Variants in EZR observed in about 807,000 individuals in gnomAD.
EZR encodes cytovillin 2.
Under a neutral mutation model 74.8 loss-of-function variants are expected in EZR, and 40 were observed. The observed-to-expected ratio is 0.53, with a 90% confidence interval of 0.42 to 0.70. The LOEUF (loss-of-function observed/expected upper bound fraction) is 0.70, where lower values mean the gene tolerates loss of function less well. Among genes scored for constraint, EZR ranks in the 30% least tolerant of loss-of-function variants. EZR has a pLI of 0.00. For missense variants in EZR, 678 were observed against 755.8 expected (o/e 0.90, Z 1.21); for synonymous variants, 341 against 283.3 (o/e 1.20, Z -2.05).
At chr6:158,808,898 C>G (rs1777396351) in intron 2 of EZR, among the ~76,000 whole-genome samples, 1 of 152,196 alleles carries the variant, frequency 6.6e-6, no homozygotes, top group African/African-American at 2.4e-5. Context: ...GAGACTGAGG[C>G]AGGAGGATGG....
chr6:158,810,973 T>C (rs1777440270), intron 2 of EZR, among the ~76,000 whole-genome samples: 1 of 152,244 alleles, frequency 6.6e-6, no homozygotes, highest in Non-Finnish European at 1.5e-5. Context: ...AGCAGTAAAT[T>C]AGCTATGAAA....
At chr6:158,770,249 C>T (rs1437733567) in intron 10 of EZR, among the ~76,000 whole-genome samples, 1 of 152,250 alleles carries the variant, frequency 6.6e-6, no homozygotes, top group Non-Finnish European at 1.5e-5. Context: ...GTGGTCCACA[C>T]TCCACTCAGA....
Position 158,803,023 on chromosome 6 carries a change from AAGTAAC to A in EZR, c.13-13658_13-13653del, listed in dbSNP as rs577094197. 8.6e-5 allele frequency among the ~76,000 whole-genome samples: 13 copies of A among 151,656 alleles called. No individual in the cohort carries two copies. The East Asian group carries it at 2.5e-3, about 29-fold the overall frequency. On this transcript the variant is annotated intron_variant, in intron 2 of 13. Coordinates refer to ENST00000367075, the MANE Select transcript of EZR (RefSeq NM_001111077.2). ...CTTTTTGAGTAATTTAAATGATGAA[AAGTAAC>A]ACTACATGCCACTCACACCTCCTTT... is the stretch of plus-strand genomic sequence containing the variant.
At chr6:158,779,269 C>T (rs1027092242) in intron 7 of EZR, among the ~76,000 whole-genome samples, 4 of 152,172 alleles carry the variant, frequency 2.6e-5, no homozygotes, top group Non-Finnish European at 5.9e-5. Flanking sequence ...ATGGCCAGTA[C>T]TCTTCAAAAA....
Position 158,769,358 on chromosome 6 carries a change from TGCGCCTCC to T in EZR, c.1304_1311del (p.Arg435GlnfsTer4). 1 of 1,609,870 alleles carries T rather than the reference TGCGCCTCC, an allele frequency of 6.2e-7. No homozygotes were observed. The highest frequency in any genetic ancestry group is 8.5e-7 in the Non-Finnish European group (1 of 1,180,018). ...TGCCACTCTTCAACTTCATCCTCCTTGCGCCTCCGCGCCTCTTCCAGGAGGGCAATCTT... is the reference window on the plus strand; with the variant it reads ...TGCCACTCTTCAACTTCATCCTCCTTGCGCCTCTTCCAGGAGGGCAATCTT... On this transcript the variant is annotated frameshift_variant, in exon 12 of 14. Coordinates refer to ENST00000367075, the MANE Select transcript of EZR (RefSeq NM_001111077.2). LOFTEE classifies it high-confidence loss of function.
In EZR at chr6:158,771,294, C is replaced by T. The variant is rs1791100939; in HGVS notation, c.909G>A (p.Gln303=). Reference sequence around the variant, plus strand: ...CCTCCCGGGCCTGGGCCTTCATCTGCTGCACCTCGATGGTGTCAGGCTTCC... The same window carrying T: ...CCTCCCGGGCCTGGGCCTTCATCTGTTGCACCTCGATGGTGTCAGGCTTCC... ...RRRKPDTIEV[Q]QMKAQAREEK... Residue 303 remains glutamine (Q), a synonymous_variant, in exon 9 of 14, where the codon CAG becomes CAA. Transcript: ENST00000367075. 1 of 1,614,054 alleles carries T rather than the reference C, an allele frequency of 6.2e-7. No individual in the cohort carries two copies.
chr6:158,805,209 T>C (rs1437689308), intron 2 of EZR, among the ~76,000 whole-genome samples: 1 of 151,726 alleles, frequency 6.6e-6, no homozygotes, highest in African/African-American at 2.4e-5. Context: ...CATGGTGGCG[T>C]GTGCCTGCAA....
intron 1 of EZR, among the ~76,000 whole-genome samples, chr6:158,818,508 GGAGA>G (rs1468164500): frequency 2.6e-5 from 4 of 151,208 alleles, no homozygotes; most frequent in Middle Eastern, 3.2e-3. Context: ...CGCAGGCCCG[GGAGA>G]GAGAGGGCAG....
intron 4 of EZR, 35 bp from the exon 5 acceptor site, chr6:158,785,618 C>A (rs769305885): frequency 6.2e-7 from 1 of 1,604,866 alleles, no homozygotes; most frequent in South Asian, 1.1e-5. Flanking sequence ...CACACAAATC[C>A]GGAAGACGAA....
In EZR at chr6:158,769,829, C is replaced by T. The variant is rs781197851; in HGVS notation, c.1206G>A (p.Glu402=). Residue 402 remains glutamate, a synonymous_variant, in exon 11 of 14, where the codon GAG becomes GAA. Transcript: ENST00000367075. ...DRMAALRAKE[E]LERQAVDQIK... is the part of the protein sequence containing the mutation. Reference sequence around the variant, plus strand: ...TCTGATCCACCGCCTGTCTCTCCAGCTCCTCCTTAGCCCGCAGTGCAGCCA... The same window carrying T: ...TCTGATCCACCGCCTGTCTCTCCAGTTCCTCCTTAGCCCGCAGTGCAGCCA... 4 of 1,614,074 alleles carry T rather than the reference C, an allele frequency of 2.5e-6. No individual in the cohort carries two copies. Among genetic ancestry groups the T allele is most frequent in the Non-Finnish European group, 2.5e-6 (3 of 1,180,054 alleles).
rs2128564243 is a variant in EZR at position 158,769,407 on chromosome 6, A to C, written c.1263T>G (p.Leu421=). ...IKSQEQLAAE[L]AEYTAKIALL... is the part of the protein sequence containing the mutation. The stretch of plus-strand genomic sequence containing the variant: ...GGGCAATCTTGGCAGTGTATTCTGC[A>C]AGCTCCGCAGCCTGGGAAGGGAATG... Residue 421 remains leucine (L), a synonymous_variant, in exon 12 of 14, where the codon CTT becomes CTG. Transcript: ENST00000367075. 5 of 1,606,612 alleles carry C rather than the reference A, an allele frequency of 3.1e-6. No individual in the cohort carries two copies. Among genetic ancestry groups the C allele is most frequent in the Non-Finnish European group, 3.4e-6 (4 of 1,179,958 alleles).
chr6:158,795,330 T>C (rs976154235), intron 2 of EZR, among the ~76,000 whole-genome samples: 3 of 151,648 alleles, frequency 2.0e-5, no homozygotes, highest in Non-Finnish European at 4.4e-5. Flanking sequence ...TCGCAGGACT[T>C]TGGGGAGCCA....
intron 7 of EZR, 67 bp downstream of exon 7, chr6:158,783,453 G>T: frequency 6.7e-7 from 1 of 1,491,334 alleles, no homozygotes; most frequent in Non-Finnish European, 9.1e-7. Context: ...CCACAAATTT[G>T]CCATTTTGCC....
chr6:158,806,708 T>C (rs1025586368), intron 2 of EZR, among the ~76,000 whole-genome samples: 1 of 152,222 alleles, frequency 6.6e-6, no homozygotes, highest in Non-Finnish European at 1.5e-5. Flanking sequence ...AGTTATATAA[T>C]GCACCTTGTT....
intron 2 of EZR, among the ~76,000 whole-genome samples, chr6:158,812,043 C>A (rs1333793443): frequency 9.0e-6 from 1 of 111,436 alleles, no homozygotes; most frequent in Non-Finnish European, 2.2e-5. Flanking sequence ...CCACTGGGCA[C>A]TGCCAAATGA....
intron 2 of EZR, among the ~76,000 whole-genome samples, chr6:158,811,000 T>C (rs750426649): frequency 3.9e-4 from 60 of 152,246 alleles, no homozygotes; most frequent in Non-Finnish European, 7.3e-4. Flanking sequence ...TTATAGCTCT[T>C]TGTGGTTTCA....
Position 158,805,337 on chromosome 6 carries a change from GAAAAAAAAAA to G in EZR, c.12+12735_12+12744del, listed in dbSNP as rs56269785. Among the ~76,000 whole-genome samples the G allele has an allele frequency of 3.9e-4, 46 of 116,912 alleles. 1 individual carries two copies. The highest frequency in any genetic ancestry group is 1.1e-3 in the South Asian group (4 of 3,612). The allele number at this position is 116,912 out of a possible 152,430, so 76.7% of individuals were successfully genotyped here. A position where few individuals can be genotyped will look rare whatever the true frequency, so the allele number is the denominator to read the frequency against. On this transcript the variant is annotated intron_variant, in intron 2 of 13. Coordinates refer to ENST00000367075, the MANE Select transcript of EZR (RefSeq NM_001111077.2). ...CCTGGTGACAGAGACTCCATCTCAG[GAAAAAAAAAA>G]AAAAAAAAAAAAAAAGGTCGAAAAA...
intron 7 of EZR, among the ~76,000 whole-genome samples, chr6:158,779,435 C>T (rs1791368471): frequency 6.6e-6 from 1 of 152,048 alleles, no homozygotes; most frequent in Admixed American, 6.6e-5. Context: ...CTAGAGACTG[C>T]TAATGTTAAT....
chr6:158,809,820 G>A (rs1174942538), intron 2 of EZR, among the ~76,000 whole-genome samples: 1 of 152,164 alleles, frequency 6.6e-6, no homozygotes, highest in African/African-American at 2.4e-5. Context: ...GTCTTACTTG[G>A]AGTCCGTTGC....
Sources: gnomAD v4.1 joint callset for allele counts (sites outside exome capture counted in the v4.1 genomes callset) on GRCh38, gnomAD v4.1.1 for gene constraint, MANE v1.5 for transcripts, NCBI Gene and HGNC (gene_info 2026-07-23, HGNC 2026-07-21) for gene names.